Variants in PLEKHG3 observed in about 807,000 individuals in gnomAD.
PLEKHG3 encodes the protein pleckstrin homology and RhoGEF domain containing G3.
In PLEKHG3, 62 loss-of-function variants were observed where a neutral mutation model predicts 94.9. That is an observed-to-expected ratio of 0.65 (90% confidence interval 0.53 to 0.81). The LOEUF (loss-of-function observed/expected upper bound fraction) is 0.81, where lower values mean the gene tolerates loss of function less well. Among genes scored for constraint, PLEKHG3 ranks in the 30% least tolerant of loss-of-function variants. The probability of loss-of-function intolerance (pLI) is 0.00; values close to 1 mark genes in which losing one functional copy is unlikely to be tolerated. For missense variants in PLEKHG3, 1,461 were observed against 1,619.3 expected (o/e 0.90, Z 1.68); for synonymous variants, 614 against 654.0 (o/e 0.94, Z 0.93).
At position 64,746,391 on chromosome 14, in the gene PLEKHG3, C is replaced by A. The variant is rs988884391; in HGVS notation, c.*2688C>A. The A allele has an allele frequency of 6.6e-6, 1 of 152,592 alleles. No individual in the cohort carries two copies. The highest frequency in any genetic ancestry group is 1.5e-5 in the Non-Finnish European group (1 of 68,044). 9.5% of individuals were successfully genotyped at this position (152,592 alleles called of 1,614,324 possible). On this transcript the variant is annotated 3_prime_UTR_variant, in exon 17 of 17. Transcript: ENST00000247226. This position sits in a 1 kb window ranked among gnomAD's most constrained non-coding sequence, Gnocchi z 4.9. ...GACCCAGCTGGCCCCAGGGCCAGCCCCAGATTGCATGGTCTGTGCCCAACA... is the reference window on the plus strand; with the variant it reads ...GACCCAGCTGGCCCCAGGGCCAGCCACAGATTGCATGGTCTGTGCCCAACA...
rs1196074660 is a variant in PLEKHG3 at position 64,747,820 on chromosome 14, C to T, written c.*4117C>T. ...CCTCCGCCCTCCCCCCCACCCCCGA[C>T]CCGCTTGACTGCTCTCTTGGACCTA... On this transcript the variant is annotated 3_prime_UTR_variant, in exon 17 of 17. Coordinates refer to ENST00000247226, the MANE Select transcript of PLEKHG3 (RefSeq NM_001308147.2). 2.2e-5 allele frequency: 3 copies of T among 135,902 alleles called. No individual in the cohort carries two copies. The highest frequency in any genetic ancestry group is 4.7e-5 in the Non-Finnish European group (3 of 63,252). 8.4% of individuals were successfully genotyped at this position (135,902 alleles called of 1,614,324 possible). A position where few individuals can be genotyped will look rare whatever the true frequency, so the allele number is the denominator to read the frequency against.
At chr14:64,709,313 C>G (rs539183995) in intron 1 of PLEKHG3, among the ~76,000 whole-genome samples, 1 of 152,102 alleles carries the variant, frequency 6.6e-6, no homozygotes, top group Admixed American at 6.5e-5. Flanking sequence ...GTGTTAGGGT[C>G]GAGTCCAGCC....
chr14:64,730,756 C>T lies in PLEKHG3; in HGVS notation c.567-43C>T, dbSNP rs558704789. ...GTCCAGAGCCCCCCACTTCCTCATC[C>T]AGGCCTTCCCCAGGTGGTGACTGGC... is the stretch of plus-strand genomic sequence containing the variant. On this transcript the variant is annotated intron_variant, in intron 5 of 16. Transcript: ENST00000247226. The surrounding 1 kb of genome is among the most constrained non-coding windows in gnomAD (Gnocchi z 5.4). 6 of 1,612,520 alleles carry T rather than the reference C, an allele frequency of 3.7e-6. No homozygotes were observed. Among genetic ancestry groups the T allele is most frequent in the Admixed American group, 1.7e-5 (1 of 59,974 alleles).
Position 64,741,758 on chromosome 14 carries a change from A to T in PLEKHG3, c.2241A>T (p.Lys747Asn), listed in dbSNP as rs765818366. 2.5e-6 allele frequency: 4 copies of T among 1,613,272 alleles called. No individual in the cohort carries two copies. The highest frequency in any genetic ancestry group is 3.4e-6 in the Non-Finnish European group (4 of 1,180,020). Residue 747 changes from lysine (K) to asparagine (N), a missense_variant, in exon 16 of 17, where the codon AAA becomes AAT. By Grantham distance (94) the Lys-to-Asn change is moderately conservative. Transcript: ENST00000247226. ...RRRESLSYIPKGLVRNSISRF... is the reference protein window; with the variant it reads ...RRRESLSYIPNGLVRNSISRF... ...GGGAGAGCCTCTCCTACATCCCCAA[A>T]GGACTGGTAAGAAACTCCATCTCCA... is the stretch of plus-strand genomic sequence containing the variant.
rs1488247999 is a variant in PLEKHG3 at position 64,731,209 on chromosome 14, G to A, written c.849+40G>A. On this transcript the variant is annotated intron_variant, in intron 7 of 16. Coordinates refer to ENST00000247226, the MANE Select transcript of PLEKHG3 (RefSeq NM_001308147.2). This position sits in a 1 kb window ranked among gnomAD's most constrained non-coding sequence, Gnocchi z 6.1. ...GGACGCTGGGGGAGGGGCAGGGCTG[G>A]GTGGGCCAGGCTTCCGCTGGGAAGA... The A allele has an allele frequency of 1.3e-6, 2 of 1,561,042 alleles. No homozygotes were observed. The highest frequency in any genetic ancestry group is 1.8e-6 in the Non-Finnish European group (2 of 1,139,308).
Position 64,749,387 on chromosome 14 carries a change from C to T in PLEKHG3, c.*5684C>T, listed in dbSNP as rs991130228. The T allele has an allele frequency of 3.4e-5, 55 of 1,609,756 alleles. No homozygotes were observed. The highest frequency in any genetic ancestry group is 4.6e-5 in the Non-Finnish European group (54 of 1,179,778). On this transcript the variant is annotated 3_prime_UTR_variant, in exon 17 of 17. Transcript: ENST00000247226. The surrounding 1 kb of genome is among the most constrained non-coding windows in gnomAD (Gnocchi z 4.7). ...TGGCGTCGGGGCCGGAGAGGGAAGGCAGGGGCAGGCTCTGCGCCTTGACGC... is the reference window on the plus strand; with the variant it reads ...TGGCGTCGGGGCCGGAGAGGGAAGGTAGGGGCAGGCTCTGCGCCTTGACGC...
Position 64,732,805 on chromosome 14 carries a change from C to T in PLEKHG3, c.1249C>T (p.Pro417Ser). ...EAILEMDSYY[P>S]NRYRCSPERL... The stretch of plus-strand genomic sequence containing the variant: ...GATCGTCTCTCTCCTGGGTGCAGAT[C>T]CCAATCGGTACCGCTGCAGCCCAGA... Residue 417 changes from proline (P) to serine (S), a missense_variant and splice_region_variant, in exon 12 of 17, where the codon CCC becomes TCC. By Grantham distance (74) the Pro-to-Ser change is moderately conservative. This residue lies in a region of PLEKHG3 where 1,201 missense variants were observed against 1,295.5 expected (regional missense o/e 0.93). Coordinates refer to ENST00000247226, the MANE Select transcript of PLEKHG3 (RefSeq NM_001308147.2). The surrounding 1 kb of genome is among the most constrained non-coding windows in gnomAD (Gnocchi z 4.9). The T allele has an allele frequency of 1.9e-6, 3 of 1,602,290 alleles. No homozygotes were observed. The highest frequency in any genetic ancestry group is 2.6e-6 in the Non-Finnish European group (3 of 1,174,692).
Position 64,725,492 on chromosome 14 carries a change from T to C in PLEKHG3, c.-39-2101T>C, listed in dbSNP as rs1185290931. ...AGCTTGGGTTTTTATCTGTCAGTGC[T>C]GGAATGACATGGTGTTGCCCTGCCT... On this transcript the variant is annotated intron_variant, in intron 1 of 16. Transcript: ENST00000247226. This position sits in a 1 kb window ranked among gnomAD's most constrained non-coding sequence, Gnocchi z 5.0. 6.6e-6 allele frequency among the ~76,000 whole-genome samples: 1 copy of C among 152,192 alleles called. No individual in the cohort carries two copies. Among genetic ancestry groups the C allele is most frequent in the Non-Finnish European group, 1.5e-5 (1 of 68,040 alleles).
chr14:64,729,556 G>T (rs2081419086), intron 3 of PLEKHG3, among the ~76,000 whole-genome samples: 1 of 152,214 alleles, frequency 6.6e-6, no homozygotes, highest in Non-Finnish European at 1.5e-5. Context: ...CTGACCAGGG[G>T]CTGTGTCAGG....
chr14:64,710,635 C>T (rs1594656967), intron 1 of PLEKHG3, among the ~76,000 whole-genome samples: 1 of 152,076 alleles, frequency 6.6e-6, no homozygotes, highest in East Asian at 1.9e-4. Flanking sequence ...TGCGCCATTG[C>T]ACTCCAGCCT....
In PLEKHG3 at chr14:64,732,593, G is replaced by C. The variant is rs892473385; in HGVS notation, c.1246+133G>C. The C allele has an allele frequency of 3.6e-6, 3 of 832,938 alleles. No individual in the cohort carries two copies. The African/African-American group carries it at 5.0e-5, about 14-fold the overall frequency. 51.6% of individuals were successfully genotyped at this position (832,938 alleles called of 1,614,324 possible). On this transcript the variant is annotated intron_variant, in intron 11 of 16. Coordinates refer to ENST00000247226, the MANE Select transcript of PLEKHG3 (RefSeq NM_001308147.2). The surrounding 1 kb of genome is among the most constrained non-coding windows in gnomAD (Gnocchi z 4.9). ...GGCGGGGGTCTCCTGTTAAGGGCTGGGGGGTGAACTACATGATTAAGGATG... is the reference window on the plus strand; with the variant it reads ...GGCGGGGGTCTCCTGTTAAGGGCTGCGGGGTGAACTACATGATTAAGGATG...
rs1383146370 is a variant in PLEKHG3 at position 64,716,511 on chromosome 14, ACACACAC to A, written c.-39-11081_-39-11075del. ...ACACACACACAACACACACACACACACACACACACACACACACACACACACACACACA... is the reference window on the plus strand; with the variant it reads ...ACACACACACAACACACACACACACAACACACACACACACACACACACACA... On this transcript the variant is annotated intron_variant, in intron 1 of 16. Transcript: ENST00000247226. This position sits in a 1 kb window ranked among gnomAD's most constrained non-coding sequence, Gnocchi z 5.0. Among the ~76,000 whole-genome samples, 4 of 132,058 alleles carry A rather than the reference ACACACAC, an allele frequency of 3.0e-5. No homozygotes were observed. The highest frequency in any genetic ancestry group is 2.2e-4 in the Admixed American group (3 of 13,724). The allele number at this position is 132,058 out of a possible 152,430, so 86.6% of individuals were successfully genotyped here.
rs1468940351 is a variant in PLEKHG3 at position 64,716,524 on chromosome 14, C to CAA, written c.-39-11068_-39-11067insAA. On this transcript the variant is annotated intron_variant, in intron 1 of 16. Coordinates refer to ENST00000247226, the MANE Select transcript of PLEKHG3 (RefSeq NM_001308147.2). This position sits in a 1 kb window ranked among gnomAD's most constrained non-coding sequence, Gnocchi z 5.0. The stretch of plus-strand genomic sequence containing the variant: ...ACACACACACACACACACACACACA[C>CAA]ACACACACACACACACACACACACA... Among the ~76,000 whole-genome samples, 5 of 145,814 alleles carry CAA rather than the reference C, an allele frequency of 3.4e-5. No homozygotes were observed. The highest frequency in any genetic ancestry group is 6.0e-5 in the Non-Finnish European group (4 of 66,756).
intron 3 of PLEKHG3, among the ~76,000 whole-genome samples, chr14:64,729,978 C>T (rs1016193426): frequency 7.2e-5 from 11 of 152,200 alleles, no homozygotes; most frequent in African/African-American, 2.2e-4. Flanking sequence ...TGTCCCCTCC[C>T]GAGGTGGGTA....
At position 64,742,251 on chromosome 14, in the gene PLEKHG3, C is replaced by G. The variant is rs1220984764; in HGVS notation, c.2734C>G (p.His912Asp). ...GCACCCCCGCATCGTGCAGCTCTCC[C>G]ACGTAATGGACAGCCACGTGAGCGA... ...PLHPRIVQLS[H>D]VMDSHVSERV... The change falls in exon 16 of 17, where the codon CAC (histidine) becomes GAC (aspartate). Residue 912 changes from histidine to aspartate, a missense_variant. His to Asp is a moderately conservative substitution (Grantham distance 81). Around this residue, in one of 3 missense-constraint regions of PLEKHG3, gnomAD observed 1,201 missense variants for 1,295.5 expected, o/e 0.93. Coordinates refer to ENST00000247226, the MANE Select transcript of PLEKHG3 (RefSeq NM_001308147.2). 1 of 1,613,104 alleles carries G rather than the reference C, an allele frequency of 6.2e-7. No homozygotes were observed. Among genetic ancestry groups the G allele is most frequent in the African/African-American group, 1.3e-5 (1 of 75,058 alleles).
At position 64,722,033 on chromosome 14, in the gene PLEKHG3, C is replaced by A. The variant is rs890468849; in HGVS notation, c.-39-5560C>A. ...TTTTCTCTATTGCTTCCTTCTGGCA[C>A]CCTTTTTGAAGGGATTCCGAAAGTG... On this transcript the variant is annotated intron_variant, in intron 1 of 16. Coordinates refer to ENST00000247226, the MANE Select transcript of PLEKHG3 (RefSeq NM_001308147.2). The surrounding 1 kb of genome is among the most constrained non-coding windows in gnomAD (Gnocchi z 4.3). 9.2e-5 allele frequency among the ~76,000 whole-genome samples: 14 copies of A among 152,142 alleles called. No individual in the cohort carries two copies. Among genetic ancestry groups the A allele is most frequent in the Non-Finnish European group, 1.8e-4 (12 of 68,030 alleles).
chr14:64,735,386 A>G (rs565626920), intron 12 of PLEKHG3, among the ~76,000 whole-genome samples: 19 of 152,248 alleles, frequency 1.2e-4, no homozygotes, highest in African/African-American at 4.1e-4. Flanking sequence ...CTGAGGTGGG[A>G]GGATCACTTG....
chr14:64,731,192 G>T lies in PLEKHG3; in HGVS notation c.849+23G>T, dbSNP rs369335119. Reference sequence around the variant, plus strand: ...CAGGTGCTCTGGGGCTGGGACGCTGGGGGAGGGGCAGGGCTGGGTGGGCCA... The same window carrying T: ...CAGGTGCTCTGGGGCTGGGACGCTGTGGGAGGGGCAGGGCTGGGTGGGCCA... On this transcript the variant is annotated intron_variant, in intron 7 of 16. Transcript: ENST00000247226. The surrounding 1 kb of genome is among the most constrained non-coding windows in gnomAD (Gnocchi z 6.1). 1 of 1,595,532 alleles carries T rather than the reference G, an allele frequency of 6.3e-7. No individual in the cohort carries two copies. The highest frequency in any genetic ancestry group is 8.6e-7 in the Non-Finnish European group (1 of 1,166,038).
At chr14:64,736,363 G>A (rs901611320) in intron 12 of PLEKHG3, among the ~76,000 whole-genome samples, 9 of 152,278 alleles carry the variant, frequency 5.9e-5, no homozygotes, top group African/African-American at 1.7e-4. Flanking sequence ...CTTAAGGGCC[G>A]TAGAAAGTCG....
Sources: allele counts gnomAD v4.1 joint callset (sites outside exome capture counted in the v4.1 genomes callset), GRCh38; gene constraint gnomAD v4.1.1; regional missense constraint gnomAD v4.1.1; non-coding constraint Gnocchi (gnomAD v3.1); transcripts MANE v1.5; gene names NCBI Gene and HGNC (gene_info 2026-07-23, HGNC 2026-07-21).